DARS2: variants seen among roughly 807,000 people sequenced by gnomAD.
DARS2 encodes the protein aspartate--tRNA ligase, mitochondrial.
In DARS2, 63 loss-of-function variants were observed where a neutral mutation model predicts 83.0. The observed-to-expected ratio is 0.76, with a 90% CI of 0.62 to 0.94. The LOEUF (loss-of-function observed/expected upper bound fraction) is 0.94, where lower values mean the gene tolerates loss of function less well. DARS2 is among the 40% of genes least tolerant of loss of function. The pLI is 0.00. For synonymous variants in DARS2, 250 were observed against 269.3 expected (o/e 0.93, Z 0.70); for missense variants, 675 against 774.4 (o/e 0.87, Z 1.52).
chr1:173,827,229 G>A (rs781266829), intron 2 of DARS2, among the ~76,000 whole-genome samples: 9 of 152,176 alleles, frequency 5.9e-5, no homozygotes, highest in Non-Finnish European at 1.0e-4. Context: ...GATTCCTTAA[G>A]ATCAGAGCCC....
At chr1:173,854,477 T>C (rs1374280954) in intron 15 of DARS2, among the ~76,000 whole-genome samples, 2 of 152,342 alleles carry the variant, frequency 1.3e-5, no homozygotes, top group East Asian at 3.8e-4. Flanking sequence ...TAATTAATAG[T>C]GCATATTAAA....
chr1:173,826,837 C>A, intron 2 of DARS2, 51 bp downstream of exon 2: 3 of 1,311,680 alleles, frequency 2.3e-6, no homozygotes, highest in African/African-American at 1.4e-5. Context: ...TTTCCCAGGG[C>A]AATTCCAAAC....
chr1:173,857,391 A>G, intron 16 of DARS2, 127 bp from the exon 17 acceptor site: 1 of 902,756 alleles, frequency 1.1e-6, no homozygotes, highest in Admixed American at 2.2e-5. Context: ...AAGGTAGGGA[A>G]CGATGGTTGG....
intron 3 of DARS2, among the ~76,000 whole-genome samples, chr1:173,829,161 T>C (rs1298169856): frequency 6.6e-6 from 1 of 152,090 alleles, no homozygotes; most frequent in African/African-American, 2.4e-5. Flanking sequence ...CTAAGTGCTG[T>C]CATCTGTATA....
Position 173,853,471 on chromosome 1 carries a change from C to T in DARS2, c.1467C>T (p.Pro489=), listed in dbSNP as rs1653751259. 6.2e-7 allele frequency: 1 copy of T among 1,613,920 alleles called. No individual in the cohort carries two copies. Among genetic ancestry groups the T allele is most frequent in the Non-Finnish European group, 8.5e-7 (1 of 1,180,024 alleles). The change falls in exon 14 of 17, where the codon CCC becomes CCT. Residue 489 remains proline (P), a synonymous_variant. Transcript: ENST00000649689. ...TGGTAGATTTCCCACTCTTCCTGCC[C>T]AAGGAGGAAAATCCCAGAGAGCTGG... The part of the protein sequence containing the change: ...LWVVDFPLFL[P]KEENPRELES...
At chr1:173,841,232 T>G (rs189608286) in intron 11 of DARS2, among the ~76,000 whole-genome samples, 7 of 150,848 alleles carry the variant, frequency 4.6e-5, no homozygotes, top group African/African-American at 1.7e-4. Flanking sequence ...AAAAAATTAG[T>G]CAGGCGTGGT....
intron 13 of DARS2, 110 bp from the exon 14 acceptor site, chr1:173,853,239 A>T: frequency 9.7e-7 from 1 of 1,029,274 alleles, no homozygotes; most frequent in Non-Finnish European, 1.5e-6. Context: ...CCTATCTGTT[A>T]ATTGGCTAAT....
chr1:173,855,402 G>A (rs991410378), intron 15 of DARS2, among the ~76,000 whole-genome samples: 1 of 151,762 alleles, frequency 6.6e-6, no homozygotes, highest in Non-Finnish European at 1.5e-5. Context: ...GCACCCAGCC[G>A]AAATCTGTTA....
chr1:173,847,095 A>C (rs963199779), intron 12 of DARS2, among the ~76,000 whole-genome samples: 1 of 152,176 alleles, frequency 6.6e-6, no homozygotes, highest in South Asian at 2.1e-4. Context: ...ACGAACAATA[A>C]GTAGATTTTT....
intron 1 of DARS2, among the ~76,000 whole-genome samples, chr1:173,826,015 G>T (rs1571974780): frequency 6.6e-6 from 1 of 151,282 alleles, no homozygotes; most frequent in African/African-American, 2.4e-5. Flanking sequence ...GAGGTCAGGA[G>T]ATCGAGACCA....
intron 13 of DARS2, chr1:173,851,916 T>C: frequency 1.0e-6 from 1 of 985,280 alleles, no homozygotes; most frequent in Non-Finnish European, 1.2e-6. Context: ...TGAAGAAAGC[T>C]ATTTATTTCC....
chr1:173,833,629 T>G, intron 6 of DARS2, 130 bp downstream of exon 6: 2 of 1,063,294 alleles, frequency 1.9e-6, no homozygotes, highest in Non-Finnish European at 2.8e-6. Flanking sequence ...ACTCAATGTG[T>G]AATGTAGTTT....
chr1:173,837,343 A>G (rs1177367320), intron 8 of DARS2, among the ~76,000 whole-genome samples: 1 of 152,204 alleles, frequency 6.6e-6, no homozygotes, highest in Non-Finnish European at 1.5e-5. Context: ...AGGATAATGA[A>G]TAAAACCAAC....
Position 173,833,389 on chromosome 1 carries a change from T to A in DARS2, c.506T>A (p.Leu169His), listed in dbSNP as rs1405607955. 6.2e-7 allele frequency: 1 copy of A among 1,607,038 alleles called. No individual in the cohort carries two copies. The highest frequency in any genetic ancestry group is 8.5e-7 in the Non-Finnish European group (1 of 1,176,556). ...CAATTTCTTTAGAAAACAGAGGCTCTTCGGTTGCAGTATCGCTACTTAGAC... is the reference window on the plus strand; with the variant it reads ...CAATTTCTTTAGAAAACAGAGGCTCATCGGTTGCAGTATCGCTACTTAGAC... ...IKNFVKKTEA[L>H]RLQYRYLDLR... Residue 169 changes from leucine (L) to histidine (H), a missense_variant, in exon 6 of 17, where the codon CTT (leucine) becomes CAT (histidine). Coordinates refer to ENST00000649689, the MANE Select transcript of DARS2 (RefSeq NM_018122.5).
intron 11 of DARS2, among the ~76,000 whole-genome samples, chr1:173,843,030 A>G (rs1653290281): frequency 6.6e-6 from 1 of 151,866 alleles, no homozygotes; most frequent in Non-Finnish European, 1.5e-5. Context: ...TATTTTGCCT[A>G]TCATTATTTA....
At chr1:173,845,884 G>A (rs1653416247) in intron 12 of DARS2, among the ~76,000 whole-genome samples, 2 of 152,028 alleles carry the variant, frequency 1.3e-5, no homozygotes, top group Admixed American at 6.6e-5. Flanking sequence ...TTGGCCGGGC[G>A]CGTTGGCTCA....
intron 10 of DARS2, among the ~76,000 whole-genome samples, 157 bp from the exon 11 acceptor site, chr1:173,840,709 G>A (rs1436931072): frequency 2.0e-5 from 3 of 152,130 alleles, no homozygotes; most frequent in African/African-American, 7.2e-5. Context: ...TAAAACACTG[G>A]TCATATTGCT....
chr1:173,844,926 T>G (rs1557860377), intron 11 of DARS2, among the ~76,000 whole-genome samples: 1 of 146,462 alleles, frequency 6.8e-6, no homozygotes, highest in Non-Finnish European at 1.5e-5. Context: ...CCCGAGTAGC[T>G]GGGATTTCAG....
chr1:173,831,421 T>C (rs1652792703), intron 4 of DARS2, 114 bp from the exon 5 acceptor site: 2 of 845,898 alleles, frequency 2.4e-6, no homozygotes, highest in Non-Finnish European at 2.1e-6. Context: ...TACTATACAC[T>C]ATAAGGACTT....
Sources: allele counts gnomAD v4.1 joint callset (sites outside exome capture counted in the v4.1 genomes callset), GRCh38; gene constraint gnomAD v4.1.1; transcripts MANE v1.5; gene names NCBI Gene and HGNC (gene_info 2026-07-23, HGNC 2026-07-21).